THRA: variants seen among roughly 807,000 people sequenced by gnomAD.
THRA encodes the protein EAR-7.
A neutral mutation model predicts 45.0 loss-of-function variants in THRA; 13 were observed. The ratio of observed to expected loss-of-function variants is 0.29; its 90% CI spans 0.19 to 0.46. The LOEUF (loss-of-function observed/expected upper bound fraction) is 0.46, where lower values mean the gene tolerates loss of function less well. Among genes scored for constraint, THRA ranks in the 20% least tolerant of loss-of-function variants. THRA has a pLI of 1.00. For synonymous variants in THRA, 195 were observed against 214.0 expected, an observed-to-expected ratio of 0.91 and a Z score of 0.78; for missense variants, 278 against 556.1, an observed-to-expected ratio of 0.50 and a Z score of 5.03.
Position 40,089,173 on chromosome 17 carries a change from C to G in THRA, c.983-33C>G. 3 of 1,605,222 alleles carry G rather than the reference C, an allele frequency of 1.9e-6. No homozygotes were observed. The highest frequency in any genetic ancestry group is 2.6e-6 in the Non-Finnish European group (3 of 1,174,182). On this transcript the variant is annotated intron_variant, in intron 8 of 8. Coordinates refer to ENST00000450525, the MANE Select transcript of THRA (RefSeq NM_199334.5). This position sits in a 1 kb window ranked among gnomAD's most constrained non-coding sequence, Gnocchi z 6.1. ...TCCCCATCTCCAGGCCTTCGGCCAG[C>G]CCCTCGCCCCTCACGCCCCTCTTCC...
downstream of THRA, chr17:40,093,500 C>T (rs1987670695): frequency 2.8e-6 from 4 of 1,430,846 alleles, no homozygotes; most frequent in East Asian, 1.0e-4. The surrounding 1 kb of genome is among the most constrained non-coding windows in gnomAD (Gnocchi z 5.9). Flanking sequence ...GGCTGGTCAC[C>T]TCCCATCCCG....
At chr17:40,062,514 C>T (rs1986389140), upstream of THRA, 1 of 152,124 alleles carries the variant, frequency 6.6e-6, no homozygotes. Context: ...CACCTGCAAG[C>T]GTTTGGTGTT....
chr17:40,088,510 G>C lies in THRA; in HGVS notation c.982+10G>C. ...CTGCTAATGTCAACAGGTACCTGCT[G>C]ATTAGTCGGGAGGGCTCAGAAGCTT... On this transcript the variant is annotated intron_variant, in intron 8 of 8. Coordinates refer to ENST00000450525, the MANE Select transcript of THRA (RefSeq NM_199334.5). 2 of 1,604,926 alleles carry C rather than the reference G, an allele frequency of 1.2e-6. No homozygotes were observed. Among genetic ancestry groups the C allele is most frequent in the South Asian group, 2.2e-5 (2 of 90,466 alleles).
downstream of THRA, chr17:40,093,534 C>T (rs1987671762): frequency 1.6e-6 from 2 of 1,243,084 alleles, no homozygotes; most frequent in South Asian, 1.6e-5. This position sits in a 1 kb window ranked among gnomAD's most constrained non-coding sequence, Gnocchi z 5.9. Context: ...CCTTCCTCAG[C>T]AGGCCAAACA....
At chr17:40,067,313 C>T (rs1275128654) in intron 1 of THRA, among the ~76,000 whole-genome samples, 1 of 152,194 alleles carries the variant, frequency 6.6e-6, no homozygotes, top group African/African-American at 2.4e-5. Context: ...TGTTCAGGGT[C>T]TGAGCTCTGG....
intron 7 of THRA, 95 bp downstream of exon 7, chr17:40,086,948 C>T: frequency 6.5e-7 from 1 of 1,540,684 alleles, no homozygotes; most frequent in South Asian, 1.2e-5. Flanking sequence ...GTTCTCTGGA[C>T]AAGGAGCAAT....
At chr17:40,064,629 A>G (rs1352413721) in intron 1 of THRA, among the ~76,000 whole-genome samples, 1 of 152,228 alleles carries the variant, frequency 6.6e-6, no homozygotes, top group Non-Finnish European at 1.5e-5. Flanking sequence ...GTAATGGTGT[A>G]AAGCATGCAT....
rs1370176714 is a variant in THRA at position 40,084,509 on chromosome 17, G to A, written c.371-101G>A. The A allele has an allele frequency of 3.7e-6, 5 of 1,363,270 alleles. No homozygotes were observed. The highest frequency in any genetic ancestry group is 2.3e-5 in the East Asian group (1 of 43,220). The allele number at this position is 1,363,270 out of a possible 1,614,324, so 84.4% of individuals were successfully genotyped here. On this transcript the variant is annotated intron_variant, in intron 5 of 8. Coordinates refer to ENST00000450525, the MANE Select transcript of THRA (RefSeq NM_199334.5). ...AAGTCATTTAGCCTCCATGGCCCTC[G>A]GTTTCTCCAACCTGTACTCTAGGAA... is the stretch of plus-strand genomic sequence containing the variant.
chr17:40,068,021 A>G (rs1395170601), intron 1 of THRA, among the ~76,000 whole-genome samples: 1 of 152,232 alleles, frequency 6.6e-6, no homozygotes, highest in Non-Finnish European at 1.5e-5. Context: ...CCCCCCACAC[A>G]CACATCCTCT....
At chr17:40,078,843 T>A (rs1987042184) in intron 4 of THRA, among the ~76,000 whole-genome samples, 1 of 150,270 alleles carries the variant, frequency 6.7e-6, no homozygotes. Flanking sequence ...GCGATTCTCC[T>A]GCTTCAGCCT....
rs1987265285 is a variant in THRA at position 40,084,785 on chromosome 17, C to A, written c.546C>A (p.Gly182=). ...TEAHRSTNAQ[G]SHWKQRRKFL... is the part of the protein sequence containing the mutation. Reference sequence around the variant, plus strand: ...CCCATCGCAGCACCAATGCCCAGGGCAGCCATTGGAAACAGAGGCGGAAAT... The same window carrying A: ...CCCATCGCAGCACCAATGCCCAGGGAAGCCATTGGAAACAGAGGCGGAAAT... Residue 182 remains glycine, a synonymous_variant, in exon 6 of 9, where the codon GGC becomes GGA. Coordinates refer to ENST00000450525, the MANE Select transcript of THRA (RefSeq NM_199334.5). The A allele has an allele frequency of 6.2e-7, 1 of 1,613,826 alleles. No homozygotes were observed. Among genetic ancestry groups the A allele is most frequent in the African/African-American group, 1.3e-5 (1 of 74,904 alleles).
chr17:40,080,717 CT>C (rs755937821), intron 4 of THRA, among the ~76,000 whole-genome samples: 5,176 of 99,294 alleles, frequency 0.052, 246 homozygotes, highest in African/African-American at 0.18. Context: ...CCTTTGGTGA[CT>C]TTTTTTTTTT....
At chr17:40,071,505 G>T (rs1986774398) in intron 1 of THRA, among the ~76,000 whole-genome samples, 1 of 152,220 alleles carries the variant, frequency 6.6e-6, no homozygotes, top group African/African-American at 2.4e-5. Context: ...CCTCCCAGCA[G>T]CTCTTATCTC....
chr17:40,087,010 G>T, intron 7 of THRA, 157 bp downstream of exon 7: 1 of 777,212 alleles, frequency 1.3e-6, no homozygotes, highest in Non-Finnish European at 1.8e-6. Context: ...ACACACACAT[G>T]CATACACATA....
intron 6 of THRA, 66 bp from the exon 7 acceptor site, chr17:40,086,641 C>T: frequency 6.4e-7 from 1 of 1,573,906 alleles, no homozygotes; most frequent in Non-Finnish European, 8.7e-7. Context: ...CCCTGGTGGG[C>T]AGGGAGCCTC....
At position 40,092,269 on chromosome 17, in the gene THRA, G is replaced by C. The variant is rs1478294688; in HGVS notation, c.*2813G>C. 1 of 150,340 alleles carries C rather than the reference G, an allele frequency of 6.7e-6. No homozygotes were observed. Among genetic ancestry groups the C allele is most frequent in the Non-Finnish European group, 1.5e-5 (1 of 67,648 alleles). 9.3% of individuals were successfully genotyped at this position (150,340 alleles called of 1,614,324 possible). A position where few individuals can be genotyped will look rare whatever the true frequency, so the allele number is the denominator to read the frequency against. On this transcript the variant is annotated 3_prime_UTR_variant, in exon 9 of 9. Coordinates refer to ENST00000450525, the MANE Select transcript of THRA (RefSeq NM_199334.5). ...GGAGAGGGCAGGGCGTTGTGAGAGAGAGACCGTCCATAAGGAGGACAGTAA... is the reference window on the plus strand; with the variant it reads ...GGAGAGGGCAGGGCGTTGTGAGAGACAGACCGTCCATAAGGAGGACAGTAA...
In THRA at chr17:40,077,590, C is replaced by T; in HGVS notation, c.204C>T (p.Ile68=). Reference sequence around the variant, plus strand: ...CAACTGGTTATCACTACCGCTGTATCACTTGTGAGGGCTGCAAGGTATGGA... The same window carrying T: ...CAACTGGTTATCACTACCGCTGTATTACTTGTGAGGGCTGCAAGGTATGGA... ...DKATGYHYRC[I]TCEGCKGFFR... is the part of the protein sequence containing the mutation. Residue 68 remains isoleucine, a synonymous_variant, in exon 4 of 9, where the codon ATC becomes ATT. Transcript: ENST00000450525. The T allele has an allele frequency of 1.2e-6, 2 of 1,614,046 alleles. No individual in the cohort carries two copies. The highest frequency in any genetic ancestry group is 1.7e-6 in the Non-Finnish European group (2 of 1,179,956).
chr17:40,084,581 C>G (rs761930932), intron 5 of THRA, 29 bp from the exon 6 acceptor site: 1 of 1,611,062 alleles, frequency 6.2e-7, no homozygotes, highest in Non-Finnish European at 8.5e-7. Flanking sequence ...GGGTGCCATG[C>G]GTTAGACCTT....
rs571980919 is a variant in THRA, at chr17:40,075,107, A to G, written c.53+566A>G. Reference sequence around the variant, plus strand: ...TCCCAGAAAGTGCACGCCAACCATGATGGTTTTGCTTCCACATGGGTGAGG... The same window carrying G: ...TCCCAGAAAGTGCACGCCAACCATGGTGGTTTTGCTTCCACATGGGTGAGG... On this transcript the variant is annotated intron_variant, in intron 2 of 8. Coordinates refer to ENST00000450525, the MANE Select transcript of THRA (RefSeq NM_199334.5). Among the ~76,000 whole-genome samples, 3 of 152,398 alleles carry G rather than the reference A, an allele frequency of 2.0e-5. No individual in the cohort carries two copies. The South Asian group carries it at 6.2e-4, about 32-fold the overall frequency.
Sources: allele counts gnomAD v4.1 joint callset (sites outside exome capture counted in the v4.1 genomes callset), GRCh38; gene constraint gnomAD v4.1.1; non-coding constraint Gnocchi (gnomAD v3.1); transcripts MANE v1.5; gene names NCBI Gene and HGNC (gene_info 2026-07-23, HGNC 2026-07-21).